The following SBNO2 variants were observed in gnomAD, a reference collection of about 807,000 sequenced individuals.
SBNO2 encodes the protein protein strawberry notch homolog 2.
Under a neutral mutation model 146.3 loss-of-function variants are expected in SBNO2, and 89 were observed. The observed-to-expected ratio is 0.61, with a 90% CI of 0.51 to 0.73. The LOEUF (loss-of-function observed/expected upper bound fraction) is 0.73, where lower values mean the gene tolerates loss of function less well. Among genes scored for constraint, SBNO2 ranks in the 30% least tolerant of loss-of-function variants. The pLI is 0.00. For missense variants in SBNO2, 2,092 were observed against 2,003.7 expected (o/e 1.04, Z -0.84); for synonymous variants, 1,147 against 892.6 (o/e 1.29, Z -5.08).
At chr19:1,133,019 G>A (rs2080048749) in intron 4 of SBNO2, among the ~76,000 whole-genome samples, 1 of 152,226 alleles carries the variant, frequency 6.6e-6, no homozygotes, top group African/African-American at 2.4e-5. Context: ...TGAGGACCCT[G>A]GCGCATCACA....
intron 1 of SBNO2, among the ~76,000 whole-genome samples, chr19:1,159,059 G>A (rs542444011): frequency 1.6e-4 from 22 of 140,688 alleles, no homozygotes; most frequent in Admixed American, 3.4e-4. Context: ...CCCCACCTGC[G>A]GCTGCAACCG....
At chr19:1,153,240 T>A (rs929613269) in intron 2 of SBNO2, among the ~76,000 whole-genome samples, 7 of 131,674 alleles carry the variant, frequency 5.3e-5, no homozygotes, top group East Asian at 3.4e-4. Flanking sequence ...ATTTAAAAAT[T>A]TTTTTTTTTC....
chr19:1,108,326 G>T lies in SBNO2; in HGVS notation c.3995C>A (p.Ala1332Glu). Residue 1332 changes from alanine (A) to glutamate (E), a missense_variant, in exon 32 of 32, where the codon GCG (alanine) becomes GAG (glutamate). Physicochemically the swap from Ala to Glu is moderately radical, Grantham distance 107. Transcript: ENST00000361757. ...SLHAGPPSEG[A>E]LGEGAGAGGA... ...CCCCGCCCCCGCGCCCTCCCCCAGC[G>T]CGCCCTCGGAGGGCGGCCCCGCGTG... 1 of 1,394,686 alleles carries T rather than the reference G, an allele frequency of 7.2e-7. No individual in the cohort carries two copies. The highest frequency in any genetic ancestry group is 9.3e-7 in the Non-Finnish European group (1 of 1,071,084). The allele number at this position is 1,394,686 out of a possible 1,614,324, so 86.4% of individuals were successfully genotyped here.
intron 24 of SBNO2, 105 bp from the exon 25 acceptor site, chr19:1,111,198 G>A (rs1599822133): frequency 4.6e-6 from 6 of 1,307,766 alleles, no homozygotes; most frequent in Admixed American, 4.5e-5. Flanking sequence ...GGGCTGGGGA[G>A]CAGCTGCAGC....
chr19:1,121,277 C>T (rs965912768), intron 11 of SBNO2, among the ~76,000 whole-genome samples: 2 of 152,200 alleles, frequency 1.3e-5, no homozygotes, highest in African/African-American at 4.8e-5. Flanking sequence ...ATTAAACGGC[C>T]GGCCCTGCCG....
At chr19:1,142,030 C>T (rs1348977552) in intron 4 of SBNO2, among the ~76,000 whole-genome samples, 2 of 151,142 alleles carry the variant, frequency 1.3e-5, no homozygotes, top group African/African-American at 2.4e-5. Flanking sequence ...ATGATCAACC[C>T]TCCCCTCAAT....
intron 2 of SBNO2, among the ~76,000 whole-genome samples, chr19:1,151,835 G>GT (rs2080245233): frequency 6.6e-6 from 1 of 152,182 alleles, no homozygotes; most frequent in South Asian, 2.1e-4. Context: ...GCTAACTTTT[G>GT]TATTTTTAGT....
Position 1,108,815 on chromosome 19 carries a change from C to T in SBNO2, c.3580G>A (p.Val1194Met), listed in dbSNP as rs1404644238. 1.2e-6 allele frequency: 2 copies of T among 1,602,922 alleles called. No individual in the cohort carries two copies. Among genetic ancestry groups the T allele is most frequent in the African/African-American group, 1.3e-5 (1 of 74,860 alleles). ...TTCCTGTCCTTGGTCTTCAGCCGCA[C>T]GATCTGCAGGTAGCTGCTGCTGCTG... ...DVSSSSYLQI[V>M]RLKTKDRKKQ... Residue 1194 changes from valine (V) to methionine (M), a missense_variant, in exon 31 of 32, where the codon GTG (valine) becomes ATG (methionine). By Grantham distance (21) the Val-to-Met change is conservative. Transcript: ENST00000361757.
chr19:1,121,111 G>A (rs1004448209), intron 11 of SBNO2, among the ~76,000 whole-genome samples: 6 of 151,746 alleles, frequency 4.0e-5, no homozygotes, highest in Non-Finnish European at 5.9e-5. Flanking sequence ...AGGTGGTCTC[G>A]AACTCCTGAC....
chr19:1,130,126 C>T (rs985145741), intron 4 of SBNO2, among the ~76,000 whole-genome samples: 4 of 152,144 alleles, frequency 2.6e-5, no homozygotes, highest in Admixed American at 1.3e-4. Context: ...CGCCTAAACA[C>T]CACGTGGGGT....
chr19:1,109,304 G>C lies in SBNO2; in HGVS notation c.3336C>G (p.Arg1112=), dbSNP rs745595357. The change falls in exon 29 of 32, where the codon CGC becomes CGG. Residue 1112 remains arginine, a synonymous_variant. Transcript: ENST00000361757. This position sits in a 1 kb window ranked among gnomAD's most constrained non-coding sequence, Gnocchi z 4.2. ...SQLEALDSLR[R]KFHRVTAEEA... The stretch of plus-strand genomic sequence containing the variant: ...GGCGGCCGCCTACCCGGTGGAACTT[G>C]CGGCGGAGGCTGTCCAGGGCCTCCA... The C allele has an allele frequency of 3.2e-5, 51 of 1,596,284 alleles. No individual in the cohort carries two copies. Among genetic ancestry groups the C allele is most frequent in the Non-Finnish European group, 3.5e-5 (41 of 1,172,702 alleles).
chr19:1,123,865 G>T, intron 6 of SBNO2, 77 bp downstream of exon 6: 1 of 1,432,696 alleles, frequency 7.0e-7, no homozygotes, highest in Non-Finnish European at 9.5e-7. Flanking sequence ...CCCCACAATG[G>T]AGATGCCTGT....
chr19:1,160,455 C>T lies in SBNO2; in HGVS notation c.-126-6053G>A, dbSNP rs771845731. Reference sequence around the variant, plus strand: ...GCAGTGAGTGCCTGGTGGACACCCCCGAAGGGCAGTGGGGAGACCCGGGGG... The same window carrying T: ...GCAGTGAGTGCCTGGTGGACACCCCTGAAGGGCAGTGGGGAGACCCGGGGG... On this transcript the variant is annotated intron_variant, in intron 1 of 31. Coordinates refer to ENST00000361757, the MANE Select transcript of SBNO2 (RefSeq NM_014963.3). 3.3e-5 allele frequency among the ~76,000 whole-genome samples: 5 copies of T among 152,266 alleles called. No homozygotes were observed. In the South Asian group the frequency reaches 1.0e-3, roughly 32 times the overall value.
chr19:1,118,946 G>A (rs2079864925), intron 14 of SBNO2, 65 bp downstream of exon 14: 2 of 1,509,174 alleles, frequency 1.3e-6, no homozygotes, highest in Non-Finnish European at 1.8e-6. Flanking sequence ...CATCTGCAAG[G>A]CCACGGGGGA....
chr19:1,165,151 G>T (rs2080400392), intron 1 of SBNO2, among the ~76,000 whole-genome samples: 1 of 152,134 alleles, frequency 6.6e-6, no homozygotes. Flanking sequence ...TGCGAGGGAG[G>T]ACCCGGAGTT....
At chr19:1,132,102 C>A in intron 4 of SBNO2, 1 of 1,542,068 alleles carries the variant, frequency 6.5e-7, no homozygotes, top group Non-Finnish European at 8.7e-7. Flanking sequence ...TGTTCAGAGC[C>A]TCAAACTGCA....
chr19:1,109,278 C>A lies in SBNO2; in HGVS notation c.3348+14G>T. ...CGGCAACCCGAGCGAAAGCTGCGCC[C>A]GGCGGCCGCCTACCCGGTGGAACTT... On this transcript the variant is annotated intron_variant, in intron 29 of 31. Coordinates refer to ENST00000361757, the MANE Select transcript of SBNO2 (RefSeq NM_014963.3). This position sits in a 1 kb window ranked among gnomAD's most constrained non-coding sequence, Gnocchi z 4.2. The A allele has an allele frequency of 6.3e-7, 1 of 1,585,202 alleles. No individual in the cohort carries two copies. The highest frequency in any genetic ancestry group is 1.3e-5 in the African/African-American group (1 of 74,558).
chr19:1,165,479 TGCTGGCACTCA>T (rs1180871859), intron 1 of SBNO2, among the ~76,000 whole-genome samples: 1 of 152,132 alleles, frequency 6.6e-6, no homozygotes, highest in East Asian at 1.9e-4. Flanking sequence ...TAGTGGTGGT[TGCTGGCACTCA>T]GTCCCGTACC....
At chr19:1,151,386 G>T (rs896507114) in intron 2 of SBNO2, among the ~76,000 whole-genome samples, 2 of 152,206 alleles carry the variant, frequency 1.3e-5, no homozygotes, top group African/African-American at 2.4e-5. Flanking sequence ...GGCCAGGCTA[G>T]GGGATGGGAC....
Sources: allele counts gnomAD v4.1 joint callset (sites outside exome capture counted in the v4.1 genomes callset), GRCh38; gene constraint gnomAD v4.1.1; non-coding constraint Gnocchi (gnomAD v3.1); transcripts MANE v1.5; gene names NCBI Gene and HGNC (gene_info 2026-07-23, HGNC 2026-07-21).